Variants in PRKCH observed in about 807,000 individuals in gnomAD.
PRKCH encodes the protein protein kinase C eta, also known as protein kinase C eta type.
In PRKCH, 28 loss-of-function variants were observed where a neutral mutation model predicts 82.5. The ratio of observed to expected loss-of-function variants is 0.34; its 90% confidence interval spans 0.25 to 0.47. The LOEUF (loss-of-function observed/expected upper bound fraction) is 0.47. PRKCH is among the 20% of genes least tolerant of loss of function. PRKCH has a pLI of 1.00. For synonymous variants in PRKCH, 322 were observed against 327.4 expected, an observed-to-expected ratio of 0.98 and a Z score of 0.18; for missense variants, 705 against 881.8, an observed-to-expected ratio of 0.80 and a Z score of 2.54.
intron 1 of PRKCH, chr14:61,302,929 A>G (rs1449173513): frequency 6.6e-6 from 1 of 151,960 alleles, no homozygotes; most frequent in Non-Finnish European, 1.5e-5. Context: ...ATATTCACAT[A>G]TCTATGTCTA....
chr14:61,316,875 A>C (rs1021638243), upstream of PRKCH, among the ~76,000 whole-genome samples: 1 of 152,176 alleles, frequency 6.6e-6, no homozygotes, highest in African/African-American at 2.4e-5. Flanking sequence ...GGCTGTATTT[A>C]GGGAGCCAGT....
chr14:61,248,988 G>A (rs558593018), intron 1 of PRKCH, among the ~76,000 whole-genome samples: 37 of 152,128 alleles, frequency 2.4e-4, no homozygotes, highest in African/African-American at 8.4e-4. Context: ...ATTCGGTAGC[G>A]ACGGGGTTTC....
At chr14:61,443,490 G>T (rs1884072697) in intron 3 of PRKCH, among the ~76,000 whole-genome samples, 1 of 152,066 alleles carries the variant, frequency 6.6e-6, no homozygotes, top group South Asian at 2.1e-4. Context: ...AATCATCTTG[G>T]TAAAGATGCT....
At chr14:61,531,874 G>GA (rs1441747686) in intron 12 of PRKCH, among the ~76,000 whole-genome samples, 40 of 151,406 alleles carry the variant, frequency 2.6e-4, no homozygotes, top group Non-Finnish European at 1.5e-4. Context: ...TAATTTTATG[G>GA]AAAAAAAAAG....
intron 2 of PRKCH, among the ~76,000 whole-genome samples, chr14:61,440,533 G>A (rs368441675): frequency 7.9e-5 from 12 of 152,298 alleles, no homozygotes; most frequent in Admixed American, 2.0e-4. Context: ...GATCTATTGT[G>A]TAGACTCTAA....
chr14:61,354,211 T>A (rs2046117849), intron 1 of PRKCH, among the ~76,000 whole-genome samples: 1 of 152,204 alleles, frequency 6.6e-6, no homozygotes. Context: ...CCATTTAATT[T>A]TATCAGTCAA....
At chr14:61,460,945 A>C (rs1885001773) in intron 9 of PRKCH, among the ~76,000 whole-genome samples, 1 of 152,184 alleles carries the variant, frequency 6.6e-6, no homozygotes, top group African/African-American at 2.4e-5. Context: ...TGGGTGGAGC[A>C]GAGAAGTCTG....
chr14:61,229,877 T>C (rs566448270), intron 1 of PRKCH, among the ~76,000 whole-genome samples: 1 of 152,308 alleles, frequency 6.6e-6, no homozygotes, highest in African/African-American at 2.4e-5. Flanking sequence ...CAGAATGCAA[T>C]GTCGACGGCA....
At chr14:61,329,839 A>G (rs2045759099) in intron 1 of PRKCH, among the ~76,000 whole-genome samples, 1 of 152,114 alleles carries the variant, frequency 6.6e-6, no homozygotes, top group South Asian at 2.1e-4. Context: ...GTATGAATGG[A>G]TTGGCCTCTA....
intron 1 of PRKCH, among the ~76,000 whole-genome samples, chr14:61,312,090 T>C (rs2045529610): frequency 6.7e-6 from 1 of 150,176 alleles, no homozygotes; most frequent in Non-Finnish European, 1.5e-5. Flanking sequence ...CAAGATGAGA[T>C]TTGAGTGGGG....
intron 9 of PRKCH, among the ~76,000 whole-genome samples, chr14:61,482,650 C>T (rs1410329620): frequency 1.3e-5 from 2 of 152,096 alleles, no homozygotes; most frequent in East Asian, 3.9e-4. Context: ...CAGGTGGTGC[C>T]AGACAGGAGG....
chr14:61,299,512 C>T (rs1047973017), intron 1 of PRKCH, among the ~76,000 whole-genome samples: 3 of 152,138 alleles, frequency 2.0e-5, no homozygotes, highest in African/African-American at 7.2e-5. Context: ...TCCCCTGGGG[C>T]CACCTGTGAC....
intron 1 of PRKCH, among the ~76,000 whole-genome samples, chr14:61,259,589 T>A (rs1416381645): frequency 2.0e-5 from 3 of 152,218 alleles, no homozygotes; most frequent in Non-Finnish European, 4.4e-5. Flanking sequence ...ACAAGCATTT[T>A]AAACAAGCAT....
intron 9 of PRKCH, among the ~76,000 whole-genome samples, chr14:61,458,097 G>T (rs1230825082): frequency 6.6e-6 from 1 of 152,206 alleles, no homozygotes; most frequent in East Asian, 1.9e-4. Flanking sequence ...TTTAGAAGAG[G>T]GGTCTGAGAG....
intron 1 of PRKCH, among the ~76,000 whole-genome samples, chr14:61,206,673 A>C (rs1333424524): frequency 6.6e-6 from 1 of 152,188 alleles, no homozygotes; most frequent in African/African-American, 2.4e-5. Context: ...GGCAAATGAG[A>C]TTGGGATATG....
chr14:61,223,661 C>CCCTT (rs748306202), intron 1 of PRKCH, among the ~76,000 whole-genome samples: 3 of 152,194 alleles, frequency 2.0e-5, no homozygotes, highest in Non-Finnish European at 4.4e-5. Context: ...TACAATGGTA[C>CCCTT]CCTTCCTGTA....
At chr14:61,505,782 T>C (rs371822478) in intron 10 of PRKCH, among the ~76,000 whole-genome samples, 1 of 152,196 alleles carries the variant, frequency 6.6e-6, no homozygotes, top group East Asian at 1.9e-4. Context: ...GAAGGTTAAG[T>C]TTCAACATAC....
At chr14:61,440,242 G>C (rs1309064908) in intron 2 of PRKCH, among the ~76,000 whole-genome samples, 1 of 152,190 alleles carries the variant, frequency 6.6e-6, no homozygotes, top group Non-Finnish European at 1.5e-5. Context: ...GAGTGGAAGA[G>C]GGCAGTGTAG....
chr14:61,288,122 T>G (rs1472901441), intron 1 of PRKCH, among the ~76,000 whole-genome samples: 1 of 152,148 alleles, frequency 6.6e-6, no homozygotes, highest in African/African-American at 2.4e-5. Flanking sequence ...GGTGACATCC[T>G]TTAGGAAAAC....
Sources: allele counts gnomAD v4.1 joint callset (sites outside exome capture counted in the v4.1 genomes callset), GRCh38; gene constraint gnomAD v4.1.1; transcripts MANE v1.5; gene names NCBI Gene and HGNC (gene_info 2026-07-23, HGNC 2026-07-21).